Variants in OLAH observed in about 807,000 individuals in gnomAD.
The protein encoded by OLAH is S-acyl fatty acid synthase thioesterase, medium chain.
In OLAH, 33 loss-of-function variants were observed where a neutral mutation model predicts 27.8. The ratio of observed to expected loss-of-function variants is 1.19; its 90% CI spans 0.90 to 1.59. OLAH has a LOEUF of 1.59. Among genes scored for constraint, OLAH ranks in the 40% most tolerant of loss-of-function variants. The pLI, the probability that OLAH is intolerant of heterozygous loss-of-function variation, is 0.00. For synonymous variants in OLAH, 120 were observed against 102.9 expected (o/e 1.17, Z -1.01); for missense variants, 359 against 310.8 (o/e 1.16, Z -1.17).
Position 15,065,769 on chromosome 10 carries a change from A to G in OLAH, c.572+16A>G. ...GAAGTTGCACGTAAGTAACAGAAAC[A>G]AGGTTTTTTCTTTTTTTGGTACAAT... On this transcript the variant is annotated intron_variant, in intron 6 of 7. Transcript: ENST00000378228. 6.3e-7 allele frequency: 1 copy of G among 1,580,364 alleles called. No homozygotes were observed. Among genetic ancestry groups the G allele is most frequent in the Non-Finnish European group, 8.6e-7 (1 of 1,165,824 alleles).
chr10:15,061,520 T>C (rs779952189), intron 3 of OLAH, among the ~76,000 whole-genome samples: 8 of 152,202 alleles, frequency 5.3e-5, no homozygotes, highest in Non-Finnish European at 1.2e-4. Context: ...CCCTTTATCT[T>C]ATTGTGAGCA....
rs370998370 is a variant in OLAH at position 15,073,201 on chromosome 10, T to C, written c.770T>C (p.Leu257Pro). The stretch of plus-strand genomic sequence containing the variant: ...ATCAAGAACTACATAATCAAGTGTC[T>C]AGAAGTATCATCGATATCCAATTTT... Reference protein sequence around the residue: ...KLIKNYIIKCLEVSSISNF With the variant: ...KLIKNYIIKCPEVSSISNF Residue 257 changes from leucine to proline, a missense_variant, in exon 8 of 8, where the codon CTA becomes CCA. By Grantham distance (98) the Leu-to-Pro change is moderately conservative. Transcript: ENST00000378228. The C allele has an allele frequency of 1.2e-6, 2 of 1,600,218 alleles. No individual in the cohort carries two copies. Among genetic ancestry groups the C allele is most frequent in the South Asian group, 1.1e-5 (1 of 89,602 alleles).
chr10:15,042,430 G>A (rs1843936422), upstream of OLAH, among the ~76,000 whole-genome samples: 3 of 152,182 alleles, frequency 2.0e-5, no homozygotes, highest in Non-Finnish European at 4.4e-5. Context: ...TAGGATTATA[G>A]GTGTGAGCCA....
At chr10:15,047,082 TGTCTTCTCC>T (rs1250377618) in intron 1 of OLAH, 35 bp from the exon 2 acceptor site, 1 of 465,768 alleles carries the variant, frequency 2.1e-6, no homozygotes, top group East Asian at 3.2e-5. Flanking sequence ...TTCTCTTCTC[TGTCTTCTCC>T]TTCCTTTTCC....
At chr10:15,041,293 T>C (rs79743114), upstream of OLAH, among the ~76,000 whole-genome samples, 2 of 151,906 alleles carry the variant, frequency 1.3e-5, no homozygotes, top group Admixed American at 6.6e-5. Flanking sequence ...TTTATTTTTT[T>C]TGAGACAGAG....
rs1320148569 is a variant in OLAH, at chr10:15,032,599, C to T, written c.-164+249C>T. Among the ~76,000 whole-genome samples the T allele has an allele frequency of 2.0e-4, 28 of 138,086 alleles. No individual in the cohort carries two copies. In the South Asian group the frequency reaches 5.5e-3, roughly 27 times the overall value. The allele number at this position is 138,086 out of a possible 152,430, so 90.6% of individuals were successfully genotyped here. The stretch of plus-strand genomic sequence containing the variant: ...TCACACCACTGCACTCCAGCCTGGG[C>T]GACAGAGTGAGACTCAGTTTCAAAA... On this transcript the variant is annotated intron_variant, in intron 1 of 3. Transcript: ENST00000413672.
intron 3 of OLAH, among the ~76,000 whole-genome samples, chr10:15,051,062 T>TATC (rs1844129397): frequency 4.6e-5 from 3 of 65,200 alleles, no homozygotes; most frequent in Non-Finnish European, 8.2e-5. Context: ...CAAGACTGTT[T>TATC]ATTATTATTA....
In OLAH at chr10:15,069,631, C is replaced by T. The variant is rs908563198; in HGVS notation, c.573-2164C>T. On this transcript the variant is annotated intron_variant, in intron 6 of 7. Coordinates refer to ENST00000378228, the MANE Select transcript of OLAH (RefSeq NM_001039702.3). ...CCTGGAATCCCAGCACCTTCAGAGG[C>T]CAAGGCGGGCGGATCACTTGAGGTC... Among the ~76,000 whole-genome samples, 7 of 152,316 alleles carry T rather than the reference C, an allele frequency of 4.6e-5. No homozygotes were observed. In the South Asian group the frequency reaches 1.2e-3, roughly 27 times the overall value.
Position 15,044,891 on chromosome 10 carries a change from T to G in OLAH, c.-164+905T>G, listed in dbSNP as rs1273962117. The stretch of plus-strand genomic sequence containing the variant: ...CATTGTAATGCATCTCTATAAAGAT[T>G]GCTTTTTTTGTAATCTATTCTGCTG... On this transcript the variant is annotated intron_variant, in intron 1 of 7. Transcript: ENST00000378228. Among the ~76,000 whole-genome samples, 6 of 152,352 alleles carry G rather than the reference T, an allele frequency of 3.9e-5. No individual in the cohort carries two copies. The East Asian group carries it at 1.2e-3, about 29-fold the overall frequency.
intron 3 of OLAH, among the ~76,000 whole-genome samples, chr10:15,050,680 A>G (rs1844119049): frequency 6.6e-6 from 1 of 151,570 alleles, no homozygotes; most frequent in Non-Finnish European, 1.5e-5. Flanking sequence ...AGCTGGAACT[A>G]CAGGCGCCTG....
intron 3 of OLAH, among the ~76,000 whole-genome samples, chr10:15,058,153 T>C (rs914071693): frequency 5.9e-5 from 9 of 152,232 alleles, no homozygotes; most frequent in African/African-American, 2.2e-4. Flanking sequence ...GTTTAAAAAG[T>C]ATTGTTTTGA....
chr10:15,069,976 G>C (rs963457346), intron 6 of OLAH, among the ~76,000 whole-genome samples: 32 of 152,198 alleles, frequency 2.1e-4, no homozygotes, highest in African/African-American at 6.7e-4. Context: ...GAGTCTTATC[G>C]CATGTACAGC....
chr10:15,055,940 C>T lies in OLAH; in HGVS notation c.164-5784C>T, dbSNP rs1341912914. On this transcript the variant is annotated intron_variant, in intron 3 of 7. Transcript: ENST00000378228. ...TCTCTGCTCACTGAAATCTCCACCT[C>T]CTGGGTTCAAGCGATTCTCCTGCCT... 3.3e-5 allele frequency among the ~76,000 whole-genome samples: 5 copies of T among 151,930 alleles called. No homozygotes were observed. In the East Asian group the frequency reaches 5.8e-4, roughly 18 times the overall value.
In OLAH at chr10:15,065,576, G is replaced by A. The variant is rs376628083; in HGVS notation, c.403-8G>A. 6.2e-7 allele frequency: 1 copy of A among 1,605,284 alleles called. No homozygotes were observed. Among genetic ancestry groups the A allele is most frequent in the Non-Finnish European group, 8.5e-7 (1 of 1,176,900 alleles). On this transcript the variant is annotated splice_polypyrimidine_tract_variant and splice_region_variant and intron_variant, in intron 5 of 7. Coordinates refer to ENST00000378228, the MANE Select transcript of OLAH (RefSeq NM_001039702.3). ...ATATCAGGCCTGTGTTGTTGTTCAT[G>A]TTTCAAGTCAAAGGCCTGGCATCGC...
chr10:15,036,961 C>T (rs2131326376), intron 1 of OLAH, among the ~76,000 whole-genome samples: 1 of 151,932 alleles, frequency 6.6e-6, no homozygotes, highest in East Asian at 1.9e-4. Context: ...TGTCTGTAAT[C>T]CCAGATACTC....
rs1443432353 is a variant in OLAH at position 15,073,448 on chromosome 10, C to G, written c.*219C>G. ...GGCCAAGGCGGGCGGATCACGAGGT[C>G]AGGAGATCGAGACCGTCCTGGCTAA... On this transcript the variant is annotated 3_prime_UTR_variant, in exon 8 of 8. Coordinates refer to ENST00000378228, the MANE Select transcript of OLAH (RefSeq NM_001039702.3). 4.8e-6 allele frequency: 2 copies of G among 420,528 alleles called. No individual in the cohort carries two copies. Among genetic ancestry groups the G allele is most frequent in the East Asian group, 9.9e-5 (2 of 20,170 alleles). The allele number at this position is 420,528 out of a possible 1,614,324, so 26.0% of individuals were successfully genotyped here. A position where few individuals can be genotyped will look rare whatever the true frequency, so the allele number is the denominator to read the frequency against.
intron 6 of OLAH, among the ~76,000 whole-genome samples, chr10:15,070,965 G>A (rs1219885990): frequency 6.6e-6 from 1 of 151,554 alleles, no homozygotes; most frequent in African/African-American, 2.4e-5. Flanking sequence ...TTTTTATGTA[G>A]TAGAAATGGG....
At position 15,071,079 on chromosome 10, in the gene OLAH, G is replaced by A. The variant is rs547461684; in HGVS notation, c.573-716G>A. On this transcript the variant is annotated intron_variant, in intron 6 of 7. Transcript: ENST00000378228. ...TATTATGGTGTGAACCATCACACCT[G>A]ACCTAGCCATTAATTTGTTGTCTTT... Among the ~76,000 whole-genome samples the A allele has an allele frequency of 2.0e-4, 30 of 152,166 alleles. No individual in the cohort carries two copies. In the South Asian group the frequency reaches 6.0e-3, roughly 31 times the overall value.
Position 15,061,718 on chromosome 10 carries a change from C to A in OLAH, c.164-6C>A. 6.3e-7 allele frequency: 1 copy of A among 1,596,082 alleles called. No individual in the cohort carries two copies. Among genetic ancestry groups the A allele is most frequent in the Non-Finnish European group, 8.5e-7 (1 of 1,172,628 alleles). ...TGCGTGTTCACTTGTGTTTCTCCAT[C>A]TCCAGTGCACTCCTTAAGGCTTCCT... On this transcript the variant is annotated splice_polypyrimidine_tract_variant and splice_region_variant and intron_variant, in intron 3 of 7. Transcript: ENST00000378228.
Sources: gnomAD v4.1 joint callset for allele counts (sites outside exome capture counted in the v4.1 genomes callset) on GRCh38, gnomAD v4.1.1 for gene constraint, MANE v1.5 for transcripts, NCBI Gene and HGNC (gene_info 2026-07-23, HGNC 2026-07-21) for gene names.